Variants in UBAC2 observed in about 807,000 individuals in gnomAD.
UBAC2 encodes the protein ubiquitin-associated domain-containing protein 2.
In UBAC2, 26 loss-of-function variants were observed where a neutral mutation model predicts 44.0. That is an observed-to-expected ratio of 0.59 (90% confidence interval 0.43 to 0.82). The LOEUF (loss-of-function observed/expected upper bound fraction) is 0.82. Among genes scored for constraint, UBAC2 ranks in the 40% least tolerant of loss-of-function variants. The pLI is 0.00. For missense variants in UBAC2, 329 were observed against 419.4 expected (o/e 0.78, Z 1.88); for synonymous variants, 155 against 154.3 (o/e 1.00, Z -0.04).
At chr13:99,325,604 C>T (rs561509646) in intron 6 of UBAC2, among the ~76,000 whole-genome samples, 4 of 152,280 alleles carry the variant, frequency 2.6e-5, no homozygotes, top group Non-Finnish European at 5.9e-5. Flanking sequence ...TAATTGTTGA[C>T]TATAGGTATG....
chr13:99,246,840 T>A (rs1204074398), intron 4 of UBAC2, among the ~76,000 whole-genome samples: 1 of 152,160 alleles, frequency 6.6e-6, no homozygotes, highest in Non-Finnish European at 1.5e-5. Flanking sequence ...AATTCAGCCA[T>A]CTCCTGAATG....
At chr13:99,340,605 A>T (rs1360395550) in intron 7 of UBAC2, 40 bp downstream of exon 7, 2 of 1,589,986 alleles carry the variant, frequency 1.3e-6, no homozygotes, top group African/African-American at 1.3e-5. Context: ...AGAAATTCTC[A>T]GTGGCCCAAG....
intron 7 of UBAC2, among the ~76,000 whole-genome samples, chr13:99,345,431 G>A (rs2044959946): frequency 6.6e-6 from 1 of 150,948 alleles, no homozygotes; most frequent in South Asian, 2.1e-4. Context: ...GCTCTCAGAG[G>A]AGTGCCTTGG....
At chr13:99,361,780 A>G (rs1308727434) in intron 7 of UBAC2, among the ~76,000 whole-genome samples, 3 of 152,180 alleles carry the variant, frequency 2.0e-5, no homozygotes, top group Admixed American at 2.0e-4. Flanking sequence ...ACATTGCCAA[A>G]TATCTCCTGG....
intron 4 of UBAC2, 65 bp from the exon 5 acceptor site, chr13:99,314,032 G>T: frequency 6.8e-7 from 1 of 1,477,178 alleles, no homozygotes. Flanking sequence ...TTACTTCAAA[G>T]ATACATCTGC....
intron 7 of UBAC2, among the ~76,000 whole-genome samples, chr13:99,356,590 G>T (rs1011861173): frequency 3.3e-5 from 5 of 152,032 alleles, no homozygotes; most frequent in African/African-American, 1.2e-4. Flanking sequence ...AAACTAGCCT[G>T]GGACTTTGTT....
Position 99,379,252 on chromosome 13 carries a change from C to T in UBAC2, c.928-5976C>T, listed in dbSNP as rs554008178. Among the ~76,000 whole-genome samples the T allele has an allele frequency of 3.9e-5, 6 of 152,348 alleles. No homozygotes were observed. In the East Asian group the frequency reaches 7.7e-4, roughly 20 times the overall value. On this transcript the variant is annotated intron_variant, in intron 8 of 8. Coordinates refer to ENST00000403766, the MANE Select transcript of UBAC2 (RefSeq NM_001144072.2). ...GCAAAGTTGTTCTGCCCTTGATGTCCTCAGTTCCTGGAGGGGCTGTCTCAT... is the reference window on the plus strand; with the variant it reads ...GCAAAGTTGTTCTGCCCTTGATGTCTTCAGTTCCTGGAGGGGCTGTCTCAT...
At chr13:99,315,313 A>G (rs2044473946) in intron 5 of UBAC2, among the ~76,000 whole-genome samples, 3 of 152,186 alleles carry the variant, frequency 2.0e-5, no homozygotes, top group Admixed American at 2.0e-4. Context: ...GTTGTGACAG[A>G]GGCCATGTGG....
chr13:99,307,166 A>AC (rs1476853901), intron 4 of UBAC2, among the ~76,000 whole-genome samples: 2 of 152,190 alleles, frequency 1.3e-5, no homozygotes. Context: ...AACTAACTAG[A>AC]CCTACCAGTC....
At chr13:99,367,211 G>T (rs1360092809) in intron 7 of UBAC2, among the ~76,000 whole-genome samples, 1 of 152,120 alleles carries the variant, frequency 6.6e-6, no homozygotes, top group Non-Finnish European at 1.5e-5. Flanking sequence ...TTTGCTGTTT[G>T]TCAGATTTCC....
chr13:99,257,353 TTATAA>T (rs978562561), intron 4 of UBAC2, among the ~76,000 whole-genome samples: 3 of 152,216 alleles, frequency 2.0e-5, no homozygotes, highest in Non-Finnish European at 4.4e-5. Context: ...ATAGTAGCAA[TTATAA>T]TATAAATGAA....
At chr13:99,367,123 G>C (rs2045341350) in intron 7 of UBAC2, among the ~76,000 whole-genome samples, 1 of 152,116 alleles carries the variant, frequency 6.6e-6, no homozygotes. Context: ...ACTAAGCCAG[G>C]AACGGCATTG....
intron 4 of UBAC2, among the ~76,000 whole-genome samples, chr13:99,310,273 G>A (rs1331508217): frequency 6.6e-6 from 1 of 152,208 alleles, no homozygotes; most frequent in Non-Finnish European, 1.5e-5. Context: ...GCTACAGTGA[G>A]CCGTGATTAT....
chr13:99,227,750 G>A (rs7323873), intron 1 of UBAC2, among the ~76,000 whole-genome samples: 38,314 of 152,082 alleles, frequency 0.25, 6,036 homozygotes, highest in Non-Finnish European at 0.35. Context: ...CTGTGCCTCA[G>A]GACCTAGAAT....
At chr13:99,317,683 C>G (rs944111009) in intron 5 of UBAC2, among the ~76,000 whole-genome samples, 5 of 152,088 alleles carry the variant, frequency 3.3e-5, no homozygotes, top group African/African-American at 1.2e-4. Flanking sequence ...GTTGTTAATT[C>G]TAATAATTTC....
At chr13:99,382,343 C>T (rs921353313) in intron 8 of UBAC2, among the ~76,000 whole-genome samples, 1 of 152,344 alleles carries the variant, frequency 6.6e-6, no homozygotes, top group Non-Finnish European at 1.5e-5. Context: ...GACTTGACAG[C>T]ATTTTATGTG....
At chr13:99,208,210 T>C (rs1278332676) in intron 1 of UBAC2, among the ~76,000 whole-genome samples, 1 of 152,156 alleles carries the variant, frequency 6.6e-6, no homozygotes, top group Non-Finnish European at 1.5e-5. Context: ...TTGGTCAGGC[T>C]GGTCTTGAAC....
intron 1 of UBAC2, among the ~76,000 whole-genome samples, chr13:99,220,353 G>A (rs1451630512): frequency 6.6e-6 from 1 of 152,124 alleles, no homozygotes; most frequent in African/African-American, 2.4e-5. Context: ...GGCTATTATA[G>A]TAATTCACTG....
At chr13:99,270,034 A>G (rs545423513) in intron 4 of UBAC2, among the ~76,000 whole-genome samples, 159 of 152,294 alleles carry the variant, frequency 1.0e-3, no homozygotes, top group African/African-American at 3.8e-3. Context: ...ATGTGTGTTA[A>G]TTTTTCCTAA....
Sources: gnomAD v4.1 joint callset for allele counts (sites outside exome capture counted in the v4.1 genomes callset) on GRCh38, gnomAD v4.1.1 for gene constraint, MANE v1.5 for transcripts, NCBI Gene and HGNC (gene_info 2026-07-23, HGNC 2026-07-21) for gene names.